Variants in GALNTL6 observed in about 807,000 individuals in gnomAD.
GALNTL6 encodes polypeptide N-acetylgalactosaminyltransferase-like 6.
GALNTL6 carries 46 observed loss-of-function variants against 73.7 expected under a neutral mutation model. That is an observed-to-expected ratio of 0.62 (90% CI 0.49 to 0.80). GALNTL6 has a LOEUF of 0.80. Ranked by LOEUF, GALNTL6 falls within the 30% of genes least tolerant of loss-of-function variation. GALNTL6 has a pLI of 0.00. For missense variants in GALNTL6, 604 were observed against 755.0 expected, an observed-to-expected ratio of 0.80 and a Z score of 2.34; for synonymous variants, 259 against 263.7, an observed-to-expected ratio of 0.98 and a Z score of 0.17.
At chr4:171,937,506 A>G (rs560907166) in intron 2 of GALNTL6, among the ~76,000 whole-genome samples, 1 of 152,232 alleles carries the variant, frequency 6.6e-6, no homozygotes, top group Non-Finnish European at 1.5e-5. Flanking sequence ...CACATGTGAT[A>G]TACGTACACA....
chr4:171,988,586 G>C (rs375038633), intron 2 of GALNTL6, among the ~76,000 whole-genome samples: 25 of 152,254 alleles, frequency 1.6e-4, no homozygotes, highest in Non-Finnish European at 2.6e-4. Context: ...TTGGCACCAC[G>C]GGGTGGATAG....
chr4:172,656,717 C>T (rs1292636860), intron 5 of GALNTL6, among the ~76,000 whole-genome samples: 1 of 152,196 alleles, frequency 6.6e-6, no homozygotes, highest in Non-Finnish European at 1.5e-5. Context: ...AAGGTCAATC[C>T]TGAGAGCCTA....
Position 171,822,931 on chromosome 4 carries a change from C to A in GALNTL6, c.138+8213C>A, listed in dbSNP as rs1734724029. 2.0e-5 allele frequency among the ~76,000 whole-genome samples: 3 copies of A among 152,186 alleles called. No homozygotes were observed. In the South Asian group the frequency reaches 6.2e-4, roughly 31 times the overall value. On this transcript the variant is annotated intron_variant, in intron 2 of 12. Transcript: ENST00000506823. ...TGTATGTGGTCCCACTCTAAGTCGT[C>A]TGTACCTTTAGGATTTAATCGTCCA...
intron 5 of GALNTL6, among the ~76,000 whole-genome samples, chr4:172,607,836 C>T (rs559240199): frequency 3.2e-4 from 48 of 152,178 alleles, no homozygotes; most frequent in African/African-American, 1.1e-3. Context: ...TTGCATTTCT[C>T]CAATGATTAG....
chr4:172,243,758 C>G (rs1249089669), intron 3 of GALNTL6, among the ~76,000 whole-genome samples: 2 of 152,124 alleles, frequency 1.3e-5, no homozygotes, highest in Non-Finnish European at 2.9e-5. Flanking sequence ...TTCCTTTAAA[C>G]AACATCTCAC....
intron 5 of GALNTL6, among the ~76,000 whole-genome samples, chr4:172,525,838 G>C (rs1402005495): frequency 6.6e-6 from 1 of 152,102 alleles, no homozygotes; most frequent in Non-Finnish European, 1.5e-5. Flanking sequence ...ACTCCAGCCT[G>C]GGTGACAGAG....
At chr4:172,576,273 T>C (rs541408126) in intron 5 of GALNTL6, among the ~76,000 whole-genome samples, 10 of 151,928 alleles carry the variant, frequency 6.6e-5, no homozygotes, top group Non-Finnish European at 1.5e-4. Context: ...CTGTGCTGGG[T>C]ATTCATCTAC....
chr4:172,104,169 T>C (rs928716340), intron 2 of GALNTL6, among the ~76,000 whole-genome samples: 1 of 152,222 alleles, frequency 6.6e-6, no homozygotes, highest in African/African-American at 2.4e-5. Context: ...TGTCTCGGTC[T>C]CCTGACCTCG....
At chr4:172,358,439 G>A (rs1209350884) in intron 5 of GALNTL6, among the ~76,000 whole-genome samples, 1 of 152,232 alleles carries the variant, frequency 6.6e-6, no homozygotes, top group Non-Finnish European at 1.5e-5. Flanking sequence ...GCCGCGTGCG[G>A]CCCAGGCTGG....
chr4:171,923,959 A>G (rs1737889670), intron 2 of GALNTL6, among the ~76,000 whole-genome samples: 1 of 152,094 alleles, frequency 6.6e-6, no homozygotes, highest in Admixed American at 6.6e-5. Flanking sequence ...TATTACTATA[A>G]GGTACTTGAA....
At chr4:172,787,141 G>A (rs1355641816) in intron 5 of GALNTL6, among the ~76,000 whole-genome samples, 2 of 152,162 alleles carry the variant, frequency 1.3e-5, no homozygotes, top group Non-Finnish European at 2.9e-5. Flanking sequence ...CTGCCAAATT[G>A]CCCTACCAAG....
At chr4:173,037,512 T>A (rs1286616200) in intron 12 of GALNTL6, among the ~76,000 whole-genome samples, 1 of 152,204 alleles carries the variant, frequency 6.6e-6, no homozygotes, top group Admixed American at 6.5e-5. Context: ...TCTCAGAGCA[T>A]GTGTTCCAAT....
At chr4:172,888,549 A>G (rs535248490) in intron 8 of GALNTL6, among the ~76,000 whole-genome samples, 16 of 152,244 alleles carry the variant, frequency 1.1e-4, no homozygotes, top group African/African-American at 3.4e-4. Flanking sequence ...TCAACTTTGT[A>G]GAAGATCAGT....
chr4:172,484,500 G>A (rs1733604592), intron 5 of GALNTL6, among the ~76,000 whole-genome samples: 1 of 151,172 alleles, frequency 6.6e-6, no homozygotes, highest in African/African-American at 2.5e-5. Context: ...CCGACTGAAA[G>A]CGCTGGTTGG....
chr4:172,721,976 T>A (rs1009476752), intron 5 of GALNTL6, among the ~76,000 whole-genome samples: 1 of 130,230 alleles, frequency 7.7e-6, no homozygotes, highest in Non-Finnish European at 1.6e-5. Context: ...GCAATGGAGG[T>A]GGCGGAAGGC....
intron 5 of GALNTL6, 78 bp downstream of exon 5, chr4:172,348,767 T>C: frequency 1.1e-6 from 1 of 875,878 alleles, no homozygotes; most frequent in Non-Finnish European, 1.7e-6. Context: ...AAAAAGACAA[T>C]GGGAGCTTCT....
At chr4:172,890,965 G>C (rs1745997418) in intron 8 of GALNTL6, among the ~76,000 whole-genome samples, 1 of 152,058 alleles carries the variant, frequency 6.6e-6, no homozygotes, top group African/African-American at 2.4e-5. Context: ...TGTTTTTACT[G>C]TTTTTGGTTT....
chr4:172,946,374 A>T lies in GALNTL6; in HGVS notation c.1150-5663A>T, dbSNP rs184071185. On this transcript the variant is annotated intron_variant, in intron 9 of 12. Coordinates refer to ENST00000506823, the MANE Select transcript of GALNTL6 (RefSeq NM_001034845.3). Reference sequence around the variant, plus strand: ...CTGAACAGGGATTGAATAGTCTAGCAGTAAGATCTAAAATGTTGCTGGTAA... The same window carrying T: ...CTGAACAGGGATTGAATAGTCTAGCTGTAAGATCTAAAATGTTGCTGGTAA... Among the ~76,000 whole-genome samples the T allele has an allele frequency of 3.9e-4, 60 of 152,312 alleles. 1 individual carries two copies. Among genetic ancestry groups the T allele is most frequent in the Admixed American group, 2.9e-3 (45 of 15,296 alleles).
intron 2 of GALNTL6, among the ~76,000 whole-genome samples, chr4:172,050,305 G>A (rs925482506): frequency 6.6e-6 from 1 of 152,086 alleles, no homozygotes; most frequent in African/African-American, 2.4e-5. Flanking sequence ...GAAGATGAGG[G>A]TTTTTTAAGA....
Sources: allele counts gnomAD v4.1 joint callset (sites outside exome capture counted in the v4.1 genomes callset), GRCh38; gene constraint gnomAD v4.1.1; transcripts MANE v1.5; gene names NCBI Gene and HGNC (gene_info 2026-07-23, HGNC 2026-07-21).